IQGAP1: variants seen among roughly 807,000 people sequenced by gnomAD.
IQGAP1 encodes IQ motif containing GTPase activating protein 1, also known as ras GTPase-activating-like protein IQGAP1.
A neutral mutation model predicts 215.6 loss-of-function variants in IQGAP1; 66 were observed. That is an observed-to-expected ratio of 0.31 (90% confidence interval 0.25 to 0.38). The LOEUF (loss-of-function observed/expected upper bound fraction) is 0.38, where lower values mean the gene tolerates loss of function less well. Among genes scored for constraint, IQGAP1 ranks in the 10% least tolerant of loss-of-function variants. The pLI, the probability that IQGAP1 is intolerant of heterozygous loss-of-function variation, is 1.00. For synonymous variants in IQGAP1, 772 were observed against 728.7 expected (o/e 1.06, Z -0.96); for missense variants, 1,712 against 1,997.1 (o/e 0.86, Z 2.72).
At chr15:90,442,445 G>A (rs919481455) in intron 8 of IQGAP1, among the ~76,000 whole-genome samples, 5 of 128,352 alleles carry the variant, frequency 3.9e-5, no homozygotes, top group Non-Finnish European at 6.6e-5. Context: ...ACTCCGTCTC[G>A]GGGGGGAAAA....
At position 90,467,619 on chromosome 15, in the gene IQGAP1, G is replaced by A. The variant is rs188366628; in HGVS notation, c.2178+27G>A. 4.6e-4 allele frequency: 726 copies of A among 1,587,198 alleles called. 7 individuals are homozygous for A. In the East Asian group the frequency reaches 0.015, roughly 32 times the overall value. On this transcript the variant is annotated intron_variant, in intron 18 of 37. Coordinates refer to ENST00000268182, the MANE Select transcript of IQGAP1 (RefSeq NM_003870.4). ...TAGGTTACCTTTCTTCACGTAAGAA[G>A]AAGCTGAGAGAAAGTGTTTTCAAGC...
chr15:90,432,442 C>T (rs976015522), intron 4 of IQGAP1, among the ~76,000 whole-genome samples: 4 of 152,164 alleles, frequency 2.6e-5, no homozygotes, highest in African/African-American at 9.7e-5. Flanking sequence ...AGTCAGATCT[C>T]CCCAGGGCTC....
Position 90,481,969 on chromosome 15 carries a change from C to T in IQGAP1, c.3339C>T (p.Pro1113=), listed in dbSNP as rs2151035438. The change falls in exon 27 of 38, where the codon CCC becomes CCT. Residue 1113 remains proline, a synonymous_variant. Transcript: ENST00000268182. Reference sequence around the variant, plus strand: ...ATTTCTGTCTTCCCAGCAAACTGCCCTATGATGTGACCCCTGAGCAGGCGC... The same window carrying T: ...ATTTCTGTCTTCCCAGCAAACTGCCTTATGATGTGACCCCTGAGCAGGCGC... ...ESQTGEASKL[P]YDVTPEQALA... The T allele has an allele frequency of 1.9e-6, 3 of 1,614,206 alleles. No homozygotes were observed. The highest frequency in any genetic ancestry group is 4.5e-5 in the East Asian group (2 of 44,890).
At position 90,415,029 on chromosome 15, in the gene IQGAP1, A is replaced by G. The variant is rs557260691; in HGVS notation, c.156-11081A>G. On this transcript the variant is annotated intron_variant, in intron 2 of 37. Transcript: ENST00000268182. Reference sequence around the variant, plus strand: ...TTTGTAAGTTTGCTGTAGATGGTATATGGTGCCGGATTTTCTCCTAGAATT... The same window carrying G: ...TTTGTAAGTTTGCTGTAGATGGTATGTGGTGCCGGATTTTCTCCTAGAATT... 2.2e-3 allele frequency among the ~76,000 whole-genome samples: 334 copies of G among 152,340 alleles called. 3 individuals carry two copies. Among genetic ancestry groups the G allele is most frequent in the Non-Finnish European group, 4.1e-3 (276 of 68,036 alleles).
At chr15:90,423,286 T>C (rs7181256) in intron 2 of IQGAP1, among the ~76,000 whole-genome samples, 30,173 of 152,066 alleles carry the variant, frequency 0.2, 3,161 homozygotes, top group African/African-American at 0.24. Flanking sequence ...CCAGTTAGAG[T>C]GCAGTGCCAC....
intron 15 of IQGAP1, among the ~76,000 whole-genome samples, chr15:90,462,320 T>A (rs1965775457): frequency 6.6e-6 from 1 of 152,238 alleles, no homozygotes. Flanking sequence ...TTATTTTGTT[T>A]GGTACATTGT....
intron 15 of IQGAP1, among the ~76,000 whole-genome samples, chr15:90,461,999 A>AG (rs56698410): frequency 9.0e-3 from 137 of 15,178 alleles, no homozygotes; most frequent in African/African-American, 0.032. Context: ...AAAAAAAAAA[A>AG]GAAAAAAAAA....
intron 2 of IQGAP1, among the ~76,000 whole-genome samples, chr15:90,422,636 ATATGTATATG>A (rs1965158758): frequency 1.4e-5 from 1 of 72,364 alleles, no homozygotes; most frequent in East Asian, 9.2e-4. Flanking sequence ...GTATATATAT[ATATGTATATG>A]TATATATATA....
At chr15:90,425,473 CT>C (rs958647784) in intron 2 of IQGAP1, among the ~76,000 whole-genome samples, 1 of 152,044 alleles carries the variant, frequency 6.6e-6, no homozygotes, top group Non-Finnish European at 1.5e-5. Context: ...ATACAGTTTT[CT>C]TTTTTTCTTT....
intron 11 of IQGAP1, among the ~76,000 whole-genome samples, chr15:90,450,980 G>T (rs1016962825): frequency 5.3e-5 from 8 of 151,982 alleles, no homozygotes; most frequent in African/African-American, 1.9e-4. Context: ...ACATAGTCCT[G>T]TTTGTCTATT....
intron 12 of IQGAP1, 95 bp downstream of exon 12, chr15:90,453,033 A>C: frequency 5.8e-6 from 9 of 1,554,714 alleles, no homozygotes; most frequent in Non-Finnish European, 7.8e-6. Context: ...ACTTTTTTGC[A>C]TAAACTTGGT....
chr15:90,460,696 T>G (rs1965748638), intron 15 of IQGAP1, among the ~76,000 whole-genome samples: 1 of 152,120 alleles, frequency 6.6e-6, no homozygotes, highest in Non-Finnish European at 1.5e-5. Flanking sequence ...TTTGGTTAAT[T>G]TCTACCGTAT....
At position 90,487,074 on chromosome 15, in the gene IQGAP1, G is replaced by A. The variant is rs776564409; in HGVS notation, c.4145G>A (p.Arg1382Gln). ...PGDENAEMDA[R>Q]TILLNTKRLI... ...GATGAGAATGCAGAAATGGATGCTC[G>A]AACCATCTTACTGAAGTGAGTATCA... Residue 1382 changes from arginine to glutamine, a missense_variant, in exon 32 of 38, where the codon CGA (arginine) becomes CAA (glutamine). By Grantham distance (43) the Arg-to-Gln change is conservative. Transcript: ENST00000268182. The A allele has an allele frequency of 3.7e-6, 6 of 1,613,988 alleles. No homozygotes were observed. In the East Asian group the frequency reaches 6.7e-5, roughly 18 times the overall value.
intron 31 of IQGAP1, 161 bp downstream of exon 31, chr15:90,486,293 C>G (rs1178354235): frequency 1.8e-6 from 1 of 545,926 alleles, no homozygotes; most frequent in African/African-American, 1.9e-5. Context: ...AAAACAACAA[C>G]AACAACAAAA....
At chr15:90,481,897 C>G in intron 26 of IQGAP1, 63 bp from the exon 27 acceptor site, 1 of 1,561,062 alleles carries the variant, frequency 6.4e-7, no homozygotes, top group Non-Finnish European at 8.8e-7. Flanking sequence ...AGATAAGACA[C>G]TTGCTTCAGG....
At chr15:90,444,275 GTGTGTA>G (rs1338208795) in intron 9 of IQGAP1, among the ~76,000 whole-genome samples, 3 of 115,426 alleles carry the variant, frequency 2.6e-5, no homozygotes, top group Non-Finnish European at 4.9e-5. Flanking sequence ...GTGTGTGTGT[GTGTGTA>G]TATATATATT....
chr15:90,497,853 C>A (rs1312071437), intron 37 of IQGAP1, among the ~76,000 whole-genome samples: 2 of 152,162 alleles, frequency 1.3e-5, no homozygotes, highest in Non-Finnish European at 2.9e-5. Flanking sequence ...CTGATTTTTA[C>A]ACGTTAAAAA....
At chr15:90,454,933 T>A (rs1248121507) in intron 14 of IQGAP1, among the ~76,000 whole-genome samples, 1 of 152,244 alleles carries the variant, frequency 6.6e-6, no homozygotes, top group Non-Finnish European at 1.5e-5. Flanking sequence ...ACTGTACTTC[T>A]GAACAACTGG....
chr15:90,474,157 G>A (rs1421340463), intron 22 of IQGAP1, 24 bp downstream of exon 22: 16 of 1,588,506 alleles, frequency 1.0e-5, no homozygotes, highest in African/African-American at 1.4e-5. Flanking sequence ...TCCGCATGAA[G>A]AGTTGAGGCA....
Sources: allele counts gnomAD v4.1 joint callset (sites outside exome capture counted in the v4.1 genomes callset), GRCh38; gene constraint gnomAD v4.1.1; transcripts MANE v1.5; gene names NCBI Gene and HGNC (gene_info 2026-07-23, HGNC 2026-07-21).